NOS1: variants seen among roughly 807,000 people sequenced by gnomAD.
NOS1 encodes nitric oxide synthase 1.
Under a neutral mutation model 164.5 loss-of-function variants are expected in NOS1, and 51 were observed. That is an observed-to-expected ratio of 0.31 (90% CI 0.25 to 0.39). NOS1 has a LOEUF of 0.39. Ranked by LOEUF, NOS1 falls within the 10% of genes least tolerant of loss-of-function variation. The pLI, the probability that NOS1 is intolerant of heterozygous loss-of-function variation, is 1.00. For synonymous variants in NOS1, 719 were observed against 745.8 expected, an observed-to-expected ratio of 0.96 and a Z score of 0.59; for missense variants, 1,362 against 1,885.6, an observed-to-expected ratio of 0.72 and a Z score of 5.14.
intron 1 of NOS1, among the ~76,000 whole-genome samples, chr12:117,338,001 G>A (rs1875918792): frequency 6.6e-6 from 1 of 152,098 alleles, no homozygotes; most frequent in African/African-American, 2.4e-5. Flanking sequence ...GATCACTTGA[G>A]GTCAGGAGTT....
At chr12:117,307,503 G>A (rs1270765539) in intron 3 of NOS1, among the ~76,000 whole-genome samples, 1 of 152,096 alleles carries the variant, frequency 6.6e-6, no homozygotes, top group African/African-American at 2.4e-5. Flanking sequence ...TGGGACTACA[G>A]GTGCACGCCA....
Position 117,272,652 on chromosome 12 carries a change from C to T in NOS1, c.1665-93G>A, listed in dbSNP as rs1592975038. On this transcript the variant is annotated intron_variant, in intron 9 of 28. Transcript: ENST00000317775. The surrounding 1 kb of genome is among the most constrained non-coding windows in gnomAD (Gnocchi z 4.3). ...GAGATGCTGAAATGCCAAGGATGGA[C>T]TGGGACTGACAAGGTCAGAATATGG... 4.9e-6 allele frequency: 6 copies of T among 1,229,096 alleles called. No individual in the cohort carries two copies. Among genetic ancestry groups the T allele is most frequent in the Non-Finnish European group, 6.9e-6 (6 of 870,206 alleles). The allele number at this position is 1,229,096 out of a possible 1,614,324, so 76.1% of individuals were successfully genotyped here. A position where few individuals can be genotyped will look rare whatever the true frequency, so the allele number is the denominator to read the frequency against.
At chr12:117,221,120 T>C (rs1956697334) in intron 26 of NOS1, among the ~76,000 whole-genome samples, 1 of 148,252 alleles carries the variant, frequency 6.7e-6, no homozygotes, top group South Asian at 2.1e-4. Flanking sequence ...TTATGGGCTG[T>C]TAAATTTATT....
chr12:117,347,743 C>T (rs907029755), intron 1 of NOS1, among the ~76,000 whole-genome samples: 2 of 152,178 alleles, frequency 1.3e-5, no homozygotes, highest in South Asian at 2.1e-4. Context: ...AGCTTGTGCC[C>T]TGGGGCTGAT....
At chr12:117,325,388 G>A (rs926803312) in intron 2 of NOS1, among the ~76,000 whole-genome samples, 3 of 152,072 alleles carry the variant, frequency 2.0e-5, no homozygotes, top group African/African-American at 7.2e-5. Context: ...TCAGCCCCTA[G>A]GAGGCCATTT....
chr12:117,354,081 T>G (rs913105213), intron 1 of NOS1, among the ~76,000 whole-genome samples: 1 of 152,206 alleles, frequency 6.6e-6, no homozygotes, highest in Non-Finnish European at 1.5e-5. Flanking sequence ...GAAATTCAAC[T>G]GCATCCTCAA....
chr12:117,211,155 C>A lies in NOS1; in HGVS notation c.*4154G>T, dbSNP rs920877789. ...TATTTTCTTAGTAGAGTCAGGGTTTCTACTAACTGGCTGACTGGTCTCCAA... is the reference window on the plus strand; with the variant it reads ...TATTTTCTTAGTAGAGTCAGGGTTTATACTAACTGGCTGACTGGTCTCCAA... On this transcript the variant is annotated 3_prime_UTR_variant, in exon 29 of 29. Transcript: ENST00000317775. 7 of 732,648 alleles carry A rather than the reference C, an allele frequency of 9.6e-6. No individual in the cohort carries two copies. Among genetic ancestry groups the A allele is most frequent in the Non-Finnish European group, 1.2e-5 (7 of 599,324 alleles). 45.4% of individuals were successfully genotyped at this position (732,648 alleles called of 1,614,324 possible). A position where few individuals can be genotyped will look rare whatever the true frequency, so the allele number is the denominator to read the frequency against.
intron 27 of NOS1, 69 bp downstream of exon 27, chr12:117,220,006 T>G: frequency 6.9e-7 from 1 of 1,450,856 alleles, no homozygotes; most frequent in East Asian, 2.3e-5. Context: ...CAAGACAGGT[T>G]GGATGAAAAA....
At position 117,234,547 on chromosome 12, in the gene NOS1, G is replaced by A; in HGVS notation, c.3235+18C>T. 2 of 1,604,092 alleles carry A rather than the reference G, an allele frequency of 1.2e-6. No individual in the cohort carries two copies. Among genetic ancestry groups the A allele is most frequent in the South Asian group, 1.1e-5 (1 of 90,258 alleles). On this transcript the variant is annotated intron_variant, in intron 21 of 28. Coordinates refer to ENST00000317775, the MANE Select transcript of NOS1 (RefSeq NM_000620.5). This position sits in a 1 kb window ranked among gnomAD's most constrained non-coding sequence, Gnocchi z 4.3. ...TCTGCAGCTCCCTAGAGCAGGGAAG[G>A]GTCCCCGGGAATGTTACCTAAAGCC...
chr12:117,329,024 A>G lies in NOS1; in HGVS notation c.725+1321T>C, dbSNP rs372227938. On this transcript the variant is annotated intron_variant, in intron 2 of 28. Transcript: ENST00000317775. ...TCTGTGTATCCAAACATATCTAAACATGGAAAAGGTACAGTAACAATACAG... is the reference window on the plus strand; with the variant it reads ...TCTGTGTATCCAAACATATCTAAACGTGGAAAAGGTACAGTAACAATACAG... Among the ~76,000 whole-genome samples, 33 of 152,356 alleles carry G rather than the reference A, an allele frequency of 2.2e-4. 1 individual carries two copies. The highest frequency in any genetic ancestry group is 1.1e-3 in the Admixed American group (17 of 15,304).
In NOS1 at chr12:117,311,604, G is replaced by C; in HGVS notation, c.726-12C>G. 4 of 1,606,452 alleles carry C rather than the reference G, an allele frequency of 2.5e-6. No individual in the cohort carries two copies. The highest frequency in any genetic ancestry group is 3.4e-6 in the Non-Finnish European group (4 of 1,175,928). On this transcript the variant is annotated splice_polypyrimidine_tract_variant and intron_variant, in intron 2 of 28. Coordinates refer to ENST00000317775, the MANE Select transcript of NOS1 (RefSeq NM_000620.5). ...TGCCGTCCAAATCTCTGAAAGGCAA[G>C]GTGGGGCAGGTGAGGAAGGGGACAT...
rs931608886 is a variant in NOS1 at position 117,211,425 on chromosome 12, T to C, written c.*3884A>G. The C allele has an allele frequency of 1.0e-6, 1 of 985,364 alleles. No homozygotes were observed. The highest frequency in any genetic ancestry group is 1.2e-6 in the Non-Finnish European group (1 of 829,996). 61.0% of individuals were successfully genotyped at this position (985,364 alleles called of 1,614,324 possible). On this transcript the variant is annotated 3_prime_UTR_variant, in exon 29 of 29. Coordinates refer to ENST00000317775, the MANE Select transcript of NOS1 (RefSeq NM_000620.5). Reference sequence around the variant, plus strand: ...CAACAGCTCAACGGGCCATGCTCTGTACTGTGGCCAGAACTTTCTTTTCCA... The same window carrying C: ...CAACAGCTCAACGGGCCATGCTCTGCACTGTGGCCAGAACTTTCTTTTCCA...
Position 117,247,503 on chromosome 12 carries a change from C to A in NOS1, c.2668G>T (p.Gly890Cys). 1 of 1,608,656 alleles carries A rather than the reference C, an allele frequency of 6.2e-7. No individual in the cohort carries two copies. Among genetic ancestry groups the A allele is most frequent in the Non-Finnish European group, 8.5e-7 (1 of 1,177,964 alleles). ...CAAAAGTGAGGGTATGCTCGTGAGC[C>A]GAGGCCAAAAACTGAGAACCTGTCA... ...ANVRFSVFGL[G>C]SRAYPHFCAF... Residue 890 changes from glycine to cysteine, a missense_variant, in exon 18 of 29, where the codon GGC becomes TGC. This residue lies in a region of NOS1 where 737 missense variants were observed against 1,030.3 expected (regional missense o/e 0.72). Coordinates refer to ENST00000317775, the MANE Select transcript of NOS1 (RefSeq NM_000620.5).
At chr12:117,219,086 C>T (rs910336504) in intron 27 of NOS1, among the ~76,000 whole-genome samples, 2 of 149,954 alleles carry the variant, frequency 1.3e-5, no homozygotes, top group African/African-American at 2.5e-5. Context: ...TCAAGTGATT[C>T]TCCTGCCTCA....
intron 3 of NOS1, among the ~76,000 whole-genome samples, chr12:117,296,307 G>A (rs1268451085): frequency 4.6e-5 from 7 of 152,168 alleles, no homozygotes; most frequent in African/African-American, 1.7e-4. Context: ...ATTGAAGAAT[G>A]CAAAGTACTG....
At chr12:117,231,267 G>A (rs377016957) in intron 22 of NOS1, among the ~76,000 whole-genome samples, 17 of 151,814 alleles carry the variant, frequency 1.1e-4, no homozygotes, top group African/African-American at 3.6e-4. Flanking sequence ...GCAGTGAACC[G>A]AGATTGCGCC....
At chr12:117,350,545 C>T (rs1369669897) in intron 1 of NOS1, among the ~76,000 whole-genome samples, 1 of 152,160 alleles carries the variant, frequency 6.6e-6, no homozygotes, top group Non-Finnish European at 1.5e-5. Context: ...AAGCAAATGC[C>T]TGATTTATTT....
intron 6 of NOS1, among the ~76,000 whole-genome samples, chr12:117,285,768 TA>T (rs1592989058): frequency 6.6e-6 from 1 of 152,162 alleles, no homozygotes; most frequent in East Asian, 1.9e-4. Flanking sequence ...ACACAGAAAC[TA>T]ATGCCTTCAG....
At chr12:117,341,946 T>C (rs1314420465) in intron 1 of NOS1, among the ~76,000 whole-genome samples, 1 of 152,210 alleles carries the variant, frequency 6.6e-6, no homozygotes, top group Non-Finnish European at 1.5e-5. Context: ...ATCAAGATAA[T>C]TGAACCATTT....
Sources: gnomAD v4.1 joint callset for allele counts (sites outside exome capture counted in the v4.1 genomes callset) on GRCh38, gnomAD v4.1.1 for gene constraint, gnomAD v4.1.1 regional missense constraint, Gnocchi (gnomAD v3.1) non-coding constraint, MANE v1.5 for transcripts, NCBI Gene and HGNC (gene_info 2026-07-23, HGNC 2026-07-21) for gene names.